SPATA6: variants seen among roughly 807,000 people sequenced by gnomAD.
SPATA6 encodes spermatogenesis-associated protein 6.
SPATA6 carries 56 observed loss-of-function variants against 65.3 expected under a neutral mutation model. The ratio of observed to expected loss-of-function variants is 0.86; its 90% CI spans 0.69 to 1.07. SPATA6 has a LOEUF of 1.07. Ranked by LOEUF, SPATA6 falls within the 50% of genes least tolerant of loss-of-function variation. The probability of loss-of-function intolerance (pLI) is 0.00; values close to 1 mark genes in which losing one functional copy is unlikely to be tolerated. For synonymous variants in SPATA6, 199 were observed against 213.2 expected (o/e 0.93, Z 0.58); for missense variants, 590 against 594.8 (o/e 0.99, Z 0.08).
the SPATA6 span, among the ~76,000 whole-genome samples, chr1:48,287,779 T>C: frequency 6.6e-6 from 1 of 152,204 alleles, no homozygotes; most frequent in East Asian, 1.9e-4. Context: ...TTACCCAATC[T>C]CAGGTATTTC....
intron 3 of SPATA6, chr1:48,436,295 TA>T (rs1286461387): frequency 6.2e-7 from 1 of 1,613,478 alleles, no homozygotes; most frequent in African/African-American, 1.3e-5. Flanking sequence ...GCCGTGATTC[TA>T]TCCCACTTTT....
intron 11 of SPATA6, among the ~76,000 whole-genome samples, chr1:48,339,195 C>T (rs1341814993): frequency 6.6e-6 from 1 of 151,920 alleles, no homozygotes; most frequent in Non-Finnish European, 1.5e-5. Context: ...AAACTGGAGG[C>T]TAATGCCCTA....
At position 48,399,523 on chromosome 1, in the gene SPATA6, G is replaced by T. The variant is rs778707784; in HGVS notation, c.608C>A (p.Ala203Glu). The change falls in exon 7 of 13, where the codon GCA becomes GAA. Residue 203 changes from alanine to glutamate, a missense_variant. Coordinates refer to ENST00000371847, the MANE Select transcript of SPATA6 (RefSeq NM_019073.4). ...SPERSKYCIN[A>E]KNYEQPTISS... ...AATTGTAGGCTGTTCGTAGTTTTTT[G>T]CATTTATACAGTATTTACTTCTCTC... 9 of 1,613,016 alleles carry T rather than the reference G, an allele frequency of 5.6e-6. No individual in the cohort carries two copies. In the South Asian group the frequency reaches 8.8e-5, roughly 16 times the overall value.
Position 48,298,068 on chromosome 1 carries a change from C to CATGG in SPATA6, c.*641_*644dup, listed in dbSNP as rs1194341181. ...TTAGTTATTCAAATTTTTGATCATC[C>CATGG]ATGGCACTGATATTTCTAGCTAACT... On this transcript the variant is annotated 3_prime_UTR_variant, in exon 13 of 13. Transcript: ENST00000371847. 15 of 152,176 alleles carry CATGG rather than the reference C, an allele frequency of 9.9e-5. No individual in the cohort carries two copies. The highest frequency in any genetic ancestry group is 3.6e-4 in the African/African-American group (15 of 41,518). 9.4% of individuals were successfully genotyped at this position (152,176 alleles called of 1,614,324 possible).
rs1234892401 is a variant in SPATA6 at position 48,359,572 on chromosome 1, C to T, written c.1094+14G>A. ...TCAAAGATCAGTACAGAAATGAAGACCGCACATAATTACCTTTCCCTGAGA... is the reference window on the plus strand; with the variant it reads ...TCAAAGATCAGTACAGAAATGAAGATCGCACATAATTACCTTTCCCTGAGA... On this transcript the variant is annotated intron_variant, in intron 10 of 12. Transcript: ENST00000371847. 6.2e-7 allele frequency: 1 copy of T among 1,611,452 alleles called. No individual in the cohort carries two copies. The highest frequency in any genetic ancestry group is 1.7e-5 in the Admixed American group (1 of 59,868).
intron 12 of SPATA6, among the ~76,000 whole-genome samples, chr1:48,301,391 T>C (rs1162380234): frequency 6.6e-5 from 10 of 152,000 alleles, no homozygotes; most frequent in Non-Finnish European, 4.4e-5. Flanking sequence ...AGATATTCCA[T>C]GTTCATGGAT....
chr1:48,289,934 A>G, the SPATA6 span, among the ~76,000 whole-genome samples: 1 of 152,214 alleles, frequency 6.6e-6, no homozygotes, highest in Non-Finnish European at 1.5e-5. Context: ...TCTGCAGGAT[A>G]TTATCTAGGA....
intron 3 of SPATA6, among the ~76,000 whole-genome samples, chr1:48,430,524 A>G (rs890847757): frequency 6.6e-6 from 1 of 152,192 alleles, no homozygotes; most frequent in Non-Finnish European, 1.5e-5. Flanking sequence ...CAGTAACACA[A>G]AGTCATACAA....
At chr1:48,284,393 G>C in the SPATA6 span, among the ~76,000 whole-genome samples, 3 of 152,060 alleles carry the variant, frequency 2.0e-5, no homozygotes, top group Admixed American at 2.0e-4. Context: ...TAGTTCGAAG[G>C]AGTTTGTTAT....
At chr1:48,443,779 C>A (rs1427403951) in intron 3 of SPATA6, among the ~76,000 whole-genome samples, 1 of 152,190 alleles carries the variant, frequency 6.6e-6, no homozygotes, top group African/African-American at 2.4e-5. Flanking sequence ...CTTTCTAGGT[C>A]CCGTGACAGC....
At chr1:48,330,686 G>T (rs919495818) in intron 11 of SPATA6, among the ~76,000 whole-genome samples, 1 of 152,230 alleles carries the variant, frequency 6.6e-6, no homozygotes, top group Non-Finnish European at 1.5e-5. Context: ...GCCTCCTGCT[G>T]CCCTGAAAAA....
At chr1:48,272,388 C>A in the SPATA6 span, among the ~76,000 whole-genome samples, 5 of 152,132 alleles carry the variant, frequency 3.3e-5, no homozygotes, top group Admixed American at 6.6e-5. Flanking sequence ...CCTACTTCTA[C>A]TTCTATGAGT....
At chr1:48,407,994 G>C (rs1651864270) in intron 5 of SPATA6, among the ~76,000 whole-genome samples, 1 of 152,244 alleles carries the variant, frequency 6.6e-6, no homozygotes, top group South Asian at 2.1e-4. Flanking sequence ...TTTCCACACA[G>C]ATCTTGAAAT....
chr1:48,300,407 A>G lies in SPATA6; in HGVS notation c.1287-1514T>C, dbSNP rs187069307. Among the ~76,000 whole-genome samples the G allele has an allele frequency of 1.4e-3, 213 of 152,270 alleles. 1 individual carries two copies. The highest frequency in any genetic ancestry group is 4.9e-3 in the African/African-American group (203 of 41,568). ...CAAAACCTGAACAGACCAATAATGA[A>G]TAACAATATTGAAACAGTAATAAAA... On this transcript the variant is annotated intron_variant, in intron 12 of 12. Coordinates refer to ENST00000371847, the MANE Select transcript of SPATA6 (RefSeq NM_019073.4).
chr1:48,261,724 C>T, the SPATA6 span, among the ~76,000 whole-genome samples: 1 of 152,098 alleles, frequency 6.6e-6, no homozygotes, highest in East Asian at 1.9e-4. Flanking sequence ...TTTCCCCAAT[C>T]TTCACATTTG....
intron 3 of SPATA6, among the ~76,000 whole-genome samples, chr1:48,428,945 T>C (rs1486037142): frequency 6.6e-6 from 1 of 151,740 alleles, no homozygotes; most frequent in Non-Finnish European, 1.5e-5. Context: ...TGTAACTATT[T>C]TGGAAGACTA....
the SPATA6 span, among the ~76,000 whole-genome samples, chr1:48,287,440 G>C: frequency 6.6e-6 from 1 of 152,210 alleles, no homozygotes; most frequent in Admixed American, 6.5e-5. Context: ...CAAATCTCAT[G>C]TTGAAATGTG....
At chr1:48,369,558 G>T (rs113061835) in intron 9 of SPATA6, among the ~76,000 whole-genome samples, 3,603 of 152,280 alleles carry the variant, frequency 0.024, 38 homozygotes, top group South Asian at 0.06. Context: ...GCGAGACTCC[G>T]TGGGCGTAGG....
chr1:48,276,251 C>T, the SPATA6 span, among the ~76,000 whole-genome samples: 1 of 152,006 alleles, frequency 6.6e-6, no homozygotes, highest in Non-Finnish European at 1.5e-5. Context: ...GTCTGGCCAG[C>T]CTTCTGTCTA....
Sources: gnomAD v4.1 joint callset for allele counts (sites outside exome capture counted in the v4.1 genomes callset) on GRCh38, gnomAD v4.1.1 for gene constraint, MANE v1.5 for transcripts, NCBI Gene and HGNC (gene_info 2026-07-23, HGNC 2026-07-21) for gene names.